Variants in DSCAM observed in about 807,000 individuals in gnomAD.
The protein encoded by DSCAM is DS cell adhesion molecule, also known as cell adhesion molecule DSCAM.
Under a neutral mutation model 217.7 loss-of-function variants are expected in DSCAM, and 47 were observed. The observed-to-expected ratio is 0.22, with a 90% CI of 0.17 to 0.28. DSCAM has a LOEUF of 0.28. Ranked by LOEUF, DSCAM falls within the 10% of genes least tolerant of loss-of-function variation. The pLI is 1.00. For missense variants in DSCAM, 2,080 were observed against 2,618.3 expected (o/e 0.79, Z 4.49); for synonymous variants, 1,056 against 1,015.3 (o/e 1.04, Z -0.76).
intron 3 of DSCAM, among the ~76,000 whole-genome samples, chr21:40,578,694 T>C (rs1210280803): frequency 1.3e-5 from 2 of 152,184 alleles, no homozygotes; most frequent in African/African-American, 4.8e-5. Context: ...TTATGAGCTG[T>C]AACACTCACT....
At chr21:40,529,787 T>C (rs1017237547) in intron 3 of DSCAM, among the ~76,000 whole-genome samples, 1 of 152,176 alleles carries the variant, frequency 6.6e-6, no homozygotes, top group African/African-American at 2.4e-5. Flanking sequence ...TATCAGAGAA[T>C]TAGCATAACT....
intron 3 of DSCAM, among the ~76,000 whole-genome samples, chr21:40,496,336 ACAGAAT>A (rs2076118378): frequency 6.6e-6 from 1 of 152,178 alleles, no homozygotes; most frequent in African/African-American, 2.4e-5. Flanking sequence ...GACCAGTTGC[ACAGAAT>A]ACAGAATAAA....
In DSCAM at chr21:40,044,073, C is replaced by T. The variant is rs769041413; in HGVS notation, c.5383+5G>A. On this transcript the variant is annotated splice_donor_5th_base_variant and intron_variant, in intron 31 of 32. Transcript: ENST00000400454. ...AGGGACGGAGGAGGCAGCGTCAGGGCCTACCTGTGTCTTGCGAGGGGCTGA... is the reference window on the plus strand; with the variant it reads ...AGGGACGGAGGAGGCAGCGTCAGGGTCTACCTGTGTCTTGCGAGGGGCTGA... The T allele has an allele frequency of 1.9e-6, 3 of 1,613,162 alleles. No individual in the cohort carries two copies. Among genetic ancestry groups the T allele is most frequent in the East Asian group, 2.2e-5 (1 of 44,874 alleles).
chr21:40,512,881 C>T (rs1798909019), intron 3 of DSCAM, among the ~76,000 whole-genome samples: 1 of 151,676 alleles, frequency 6.6e-6, no homozygotes, highest in Non-Finnish European at 1.5e-5. Context: ...CCATTTCCTC[C>T]ACTAATTTTT....
chr21:40,527,797 C>T (rs902262675), intron 3 of DSCAM, among the ~76,000 whole-genome samples: 2 of 152,168 alleles, frequency 1.3e-5, no homozygotes. Context: ...GCAAAGGAAA[C>T]ATGAAGCTCA....
intron 3 of DSCAM, among the ~76,000 whole-genome samples, chr21:40,628,935 A>T (rs896849743): frequency 1.3e-5 from 2 of 152,076 alleles, no homozygotes; most frequent in African/African-American, 4.8e-5. Flanking sequence ...TTTTGGAGAG[A>T]TGGGGTTTGA....
At chr21:40,048,499 A>ATTG (rs1164107391) in intron 30 of DSCAM, among the ~76,000 whole-genome samples, 4 of 152,320 alleles carry the variant, frequency 2.6e-5, no homozygotes, top group Non-Finnish European at 5.9e-5. Context: ...TAAATAGCAA[A>ATTG]TTGTTATGAT....
intron 1 of DSCAM, among the ~76,000 whole-genome samples, chr21:40,715,190 T>TTCACAC (rs1601163490): frequency 6.6e-6 from 1 of 152,252 alleles, no homozygotes; most frequent in East Asian, 1.9e-4. Flanking sequence ...AGTTTCACTC[T>TTCACAC]TCACACTCAT....
chr21:40,837,614 G>A (rs948397389), intron 1 of DSCAM, among the ~76,000 whole-genome samples: 1 of 152,170 alleles, frequency 6.6e-6, no homozygotes, highest in African/African-American at 2.4e-5. Flanking sequence ...TGCTAACTTG[G>A]GCTGCCAACT....
At chr21:40,151,850 G>A (rs2090425993) in intron 16 of DSCAM, among the ~76,000 whole-genome samples, 1 of 152,186 alleles carries the variant, frequency 6.6e-6, no homozygotes, top group Non-Finnish European at 1.5e-5. Flanking sequence ...GACAGGTTGA[G>A]GCAGGATTTG....
intron 3 of DSCAM, among the ~76,000 whole-genome samples, chr21:40,620,420 A>G: frequency 7.6e-6 from 1 of 131,938 alleles, no homozygotes; most frequent in African/African-American, 2.8e-5. Flanking sequence ...AGGGAGGGAG[A>G]GAAGAGGGAG....
intron 5 of DSCAM, among the ~76,000 whole-genome samples, chr21:40,351,444 C>T (rs1035913017): frequency 1.3e-5 from 2 of 152,154 alleles, no homozygotes; most frequent in African/African-American, 4.8e-5. Context: ...GGTTGACACA[C>T]TTGTCTGACA....
At chr21:40,740,179 A>G (rs1259350000) in intron 1 of DSCAM, among the ~76,000 whole-genome samples, 4 of 151,998 alleles carry the variant, frequency 2.6e-5, no homozygotes. Context: ...GAGGATAAAA[A>G]ACTCTAAATT....
In DSCAM at chr21:40,199,962, A is replaced by C. The variant is rs1475107550; in HGVS notation, c.2357-10724T>G. Reference sequence around the variant, plus strand: ...AAATTAAAAAAACAAAAAACAAAAAACACCCACAGTAGTATCTTCCCAGTC... The same window carrying C: ...AAATTAAAAAAACAAAAAACAAAAACCACCCACAGTAGTATCTTCCCAGTC... On this transcript the variant is annotated intron_variant, in intron 11 of 32. Coordinates refer to ENST00000400454, the MANE Select transcript of DSCAM (RefSeq NM_001389.5). 2.7e-5 allele frequency among the ~76,000 whole-genome samples: 4 copies of C among 150,922 alleles called. No individual in the cohort carries two copies. In the East Asian group the frequency reaches 7.8e-4, roughly 29 times the overall value.
chr21:40,725,757 C>T (rs1348551301), intron 1 of DSCAM, among the ~76,000 whole-genome samples: 2 of 152,120 alleles, frequency 1.3e-5, no homozygotes, highest in African/African-American at 2.4e-5. Context: ...CAGGTTCTGA[C>T]CTAGGAGTGT....
At chr21:40,150,330 T>A (rs903105892) in intron 16 of DSCAM, among the ~76,000 whole-genome samples, 2 of 152,162 alleles carry the variant, frequency 1.3e-5, no homozygotes, top group East Asian at 3.8e-4. Context: ...ATTTAATAGA[T>A]CACATGAAGA....
chr21:40,452,925 A>G (rs1040315), intron 3 of DSCAM, among the ~76,000 whole-genome samples: 46,835 of 151,950 alleles, frequency 0.31, 7,573 homozygotes, highest in Non-Finnish European at 0.37. Flanking sequence ...TAATTAGGTA[A>G]TTCCATATTA....
At chr21:40,195,902 T>G (rs2091002391) in intron 11 of DSCAM, among the ~76,000 whole-genome samples, 2 of 152,378 alleles carry the variant, frequency 1.3e-5, no homozygotes, top group Admixed American at 1.3e-4. Flanking sequence ...ATGTATCTAC[T>G]GCCTGGATTC....
At chr21:40,050,018 C>G (rs944259554) in intron 30 of DSCAM, among the ~76,000 whole-genome samples, 6 of 152,198 alleles carry the variant, frequency 3.9e-5, no homozygotes, top group African/African-American at 7.2e-5. Flanking sequence ...GCAGGAAGAA[C>G]TGATGTGCCG....
Sources: allele counts gnomAD v4.1 joint callset (sites outside exome capture counted in the v4.1 genomes callset), GRCh38; gene constraint gnomAD v4.1.1; transcripts MANE v1.5; gene names NCBI Gene and HGNC (gene_info 2026-07-23, HGNC 2026-07-21).